Variants in OR6N1 observed in about 807,000 individuals in gnomAD.
OR6N1 encodes olfactory receptor family 6 subfamily N member 1, also known as olfactory receptor 6N1.
For synonymous variants in OR6N1, 170 were observed against 150.7 expected, an observed-to-expected ratio of 1.13 and a Z score of -0.94; for missense variants, 394 against 371.7, an observed-to-expected ratio of 1.06 and a Z score of -0.49.
Position 158,766,157 on chromosome 1 carries a change from G to A in OR6N1, c.526C>T (p.His176Tyr). ...ACAGGAGGGAAGTCACAAAAGACGT[G>A]CTGAATGCGATTGGGGCCACAGAAT... ...LPFCGPNRIQ[H>Y]VFCDFPPVLS... The change falls in exon 2 of 2, where the codon CAC (histidine) becomes TAC (tyrosine). Residue 176 changes from histidine (H) to tyrosine (Y), a missense_variant. His to Tyr is a moderately conservative substitution (Grantham distance 83, BLOSUM62 2). Coordinates refer to ENST00000641846, the MANE Select transcript of OR6N1 (RefSeq NM_001005185.2). 1 of 1,614,158 alleles carries A rather than the reference G, an allele frequency of 6.2e-7. No individual in the cohort carries two copies.
At chr1:158,789,872 T>C in the OR6N1 span, among the ~76,000 whole-genome samples, 2 of 152,234 alleles carry the variant, frequency 1.3e-5, no homozygotes, top group Non-Finnish European at 2.9e-5. Flanking sequence ...TTTGTTTTTG[T>C]TGCCTGTGCT....
chr1:158,777,398 T>G, the OR6N1 span: 1 of 1,614,158 alleles, frequency 6.2e-7, no homozygotes, highest in East Asian at 2.2e-5. Flanking sequence ...GACAACATCT[T>G]AGGGATAGTG....
the OR6N1 span, among the ~76,000 whole-genome samples, chr1:158,778,669 T>C: frequency 1.3e-5 from 2 of 152,098 alleles, no homozygotes; most frequent in African/African-American, 4.8e-5. Flanking sequence ...ATTTGCCTTG[T>C]GGGTATGGCT....
At chr1:158,774,326 C>T (rs184765681), upstream of OR6N1, 1 of 152,270 alleles carries the variant, frequency 6.6e-6, no homozygotes, top group East Asian at 1.9e-4. Flanking sequence ...CAAAGGTTCT[C>T]TACCTAGTTC....
chr1:158,798,227 T>C, the OR6N1 span, among the ~76,000 whole-genome samples: 4 of 151,668 alleles, frequency 2.6e-5, no homozygotes, highest in Non-Finnish European at 4.4e-5. Flanking sequence ...ATTTTTGTCA[T>C]ATATTTATTT....
chr1:158,833,780 T>A, the OR6N1 span, among the ~76,000 whole-genome samples: 3 of 152,216 alleles, frequency 2.0e-5, no homozygotes, highest in African/African-American at 7.2e-5. Context: ...ACTTTCACAT[T>A]TTTCTGTTGT....
chr1:158,765,672 G>A lies in OR6N1; in HGVS notation c.*72C>T, dbSNP rs529378435. 34 of 1,254,590 alleles carry A rather than the reference G, an allele frequency of 2.7e-5. No individual in the cohort carries two copies. The highest frequency in any genetic ancestry group is 4.2e-5 in the South Asian group (3 of 71,188). 77.7% of individuals were successfully genotyped at this position (1,254,590 alleles called of 1,614,324 possible). A position where few individuals can be genotyped will look rare whatever the true frequency, so the allele number is the denominator to read the frequency against. On this transcript the variant is annotated 3_prime_UTR_variant, in exon 2 of 2. Coordinates refer to ENST00000641846, the MANE Select transcript of OR6N1 (RefSeq NM_001005185.2). ...AAAAGCACTGAATTTTTAGTTTCTC[G>A]TCTCTGGCCACTGTTGATCCCTGGG...
the OR6N1 span, among the ~76,000 whole-genome samples, chr1:158,784,501 A>G: frequency 4.9e-4 from 75 of 152,290 alleles, no homozygotes; most frequent in African/African-American, 1.7e-3. Flanking sequence ...CTACTGTGCA[A>G]TAGAACACCA....
chr1:158,768,744 A>G (rs1452889475), intron 1 of OR6N1, among the ~76,000 whole-genome samples: 2 of 152,108 alleles, frequency 1.3e-5, no homozygotes, highest in African/African-American at 4.8e-5. Context: ...TCTTTGCTCA[A>G]ATTTCACCAG....
At chr1:158,772,369 C>A (rs1398656316), upstream of OR6N1, among the ~76,000 whole-genome samples, 1 of 152,140 alleles carries the variant, frequency 6.6e-6, no homozygotes, top group Non-Finnish European at 1.5e-5. Flanking sequence ...GCCAGTAGTC[C>A]TTCATTACCT....
chr1:158,840,031 G>A, the OR6N1 span, among the ~76,000 whole-genome samples: 2 of 152,134 alleles, frequency 1.3e-5, no homozygotes, highest in East Asian at 3.9e-4. Context: ...GAAACCCCTG[G>A]GACAACTCTG....
chr1:158,787,635 T>TCTCTCTCTCTCTCA, the OR6N1 span, among the ~76,000 whole-genome samples: 3 of 134,210 alleles, frequency 2.2e-5, no homozygotes, highest in African/African-American at 8.9e-5. Context: ...TCTCTCTCTC[T>TCTCTCTCTCTCTCA]CACACACACA....
the OR6N1 span, among the ~76,000 whole-genome samples, chr1:158,824,041 AT>A: frequency 3.3e-5 from 5 of 151,368 alleles, no homozygotes; most frequent in African/African-American, 1.2e-4. Context: ...CTTGGTATTG[AT>A]TTTTTTTTAA....
At chr1:158,814,379 T>G in the OR6N1 span, among the ~76,000 whole-genome samples, 6 of 152,230 alleles carry the variant, frequency 3.9e-5, no homozygotes, top group Non-Finnish European at 8.8e-5. Context: ...TTAAAACTGA[T>G]GTCAACATAA....
the OR6N1 span, among the ~76,000 whole-genome samples, chr1:158,787,633 T>TCACACACACACA: frequency 2.6e-5 from 3 of 114,660 alleles, no homozygotes. Context: ...TCTCTCTCTC[T>TCACACACACACA]CTCACACACA....
At chr1:158,788,400 G>C in the OR6N1 span, among the ~76,000 whole-genome samples, 2 of 152,030 alleles carry the variant, frequency 1.3e-5, no homozygotes, top group Non-Finnish European at 2.9e-5. Flanking sequence ...TTTGTCATCA[G>C]TTGCAAGACA....
chr1:158,774,241 T>C (rs1657521936), upstream of OR6N1: 1 of 152,224 alleles, frequency 6.6e-6, no homozygotes, highest in South Asian at 2.1e-4. Flanking sequence ...TGTGTGTTTA[T>C]TTTACAAAAA....
At chr1:158,771,111 C>T (rs1197865968) in intron 1 of OR6N1, among the ~76,000 whole-genome samples, 1 of 152,210 alleles carries the variant, frequency 6.6e-6, no homozygotes, top group Non-Finnish European at 1.5e-5. Context: ...TATCTTTTGT[C>T]AATCTGAAGA....
the OR6N1 span, among the ~76,000 whole-genome samples, chr1:158,836,500 G>A: frequency 6.6e-6 from 1 of 151,708 alleles, no homozygotes; most frequent in South Asian, 2.1e-4. Flanking sequence ...ATTTCATTTA[G>A]GTTATCCCAC....
Sources: allele counts gnomAD v4.1 joint callset (sites outside exome capture counted in the v4.1 genomes callset), GRCh38; gene constraint gnomAD v4.1.1; transcripts MANE v1.5; gene names NCBI Gene and HGNC (gene_info 2026-07-23, HGNC 2026-07-21).